The following RIMS1 variants were observed in gnomAD, a reference collection of about 807,000 sequenced individuals.
The protein encoded by RIMS1 is regulating synaptic membrane exocytosis protein 1.
RIMS1 carries 83 observed loss-of-function variants against 214.1 expected under a neutral mutation model. The ratio of observed to expected loss-of-function variants is 0.39; its 90% CI spans 0.32 to 0.47. The LOEUF (loss-of-function observed/expected upper bound fraction) is 0.47, where lower values mean the gene tolerates loss of function less well. Ranked by LOEUF, RIMS1 falls within the 20% of genes least tolerant of loss-of-function variation. RIMS1 has a pLI of 0.99. For missense variants in RIMS1, 2,050 were observed against 2,161.8 expected (o/e 0.95, Z 1.03); for synonymous variants, 793 against 786.8 (o/e 1.01, Z -0.13).
chr6:72,080,476 G>C (rs1483040255), intron 2 of RIMS1, among the ~76,000 whole-genome samples: 1 of 152,084 alleles, frequency 6.6e-6, no homozygotes, highest in African/African-American at 2.4e-5. Flanking sequence ...TTTCCTCCTT[G>C]CTGTCTTCTA....
intron 1 of RIMS1, among the ~76,000 whole-genome samples, chr6:71,891,427 T>A: frequency 6.6e-6 from 1 of 152,248 alleles, no homozygotes; most frequent in East Asian, 1.9e-4. Flanking sequence ...TTACTACTTT[T>A]TTCCTGGAAA....
At chr6:72,263,347 C>G in intron 19 of RIMS1, 2 of 984,910 alleles carry the variant, frequency 2.0e-6, no homozygotes, top group Non-Finnish European at 2.4e-6. Flanking sequence ...CCTACTGTGT[C>G]CTAAATATTG....
At position 72,096,958 on chromosome 6, in the gene RIMS1, T is replaced by A. The variant is rs375667218; in HGVS notation, c.255T>A (p.His85Gln). ...NQPHQPSPRL[H>Q]QQFESYKEQV... Reference sequence around the variant, plus strand: ...TTTCTCTTTTGCCTAGGAGATTGCATCAACAGTTTGAAAGCTATAAGGAAC... The same window carrying A: ...TTTCTCTTTTGCCTAGGAGATTGCAACAACAGTTTGAAAGCTATAAGGAAC... The change falls in exon 3 of 34, where the codon CAT (histidine) becomes CAA (glutamine). Residue 85 changes from histidine (H) to glutamine (Q), a missense_variant. His to Gln is a conservative substitution (Grantham distance 24, BLOSUM62 0). This residue lies in a region of RIMS1 where 882 missense variants were observed against 828.9 expected (regional missense o/e 1.06). Transcript: ENST00000521978. The A allele has an allele frequency of 1.9e-6, 3 of 1,613,256 alleles. No individual in the cohort carries two copies. The highest frequency in any genetic ancestry group is 2.5e-6 in the Non-Finnish European group (3 of 1,179,466).
chr6:72,390,924 A>G (rs1397520169), intron 30 of RIMS1, 188 bp downstream of exon 30: 1 of 504,920 alleles, frequency 2.0e-6, no homozygotes, highest in Non-Finnish European at 3.4e-6. Context: ...CTGGTCATTC[A>G]TACCTTTCAA....
At chr6:72,286,270 GT>G (rs2092283724) in intron 24 of RIMS1, among the ~76,000 whole-genome samples, 2 of 152,034 alleles carry the variant, frequency 1.3e-5, no homozygotes, top group Non-Finnish European at 2.9e-5. Context: ...CAGTGAACAA[GT>G]TTTTTTGGCA....
chr6:71,949,029 G>A (rs1015228776), intron 1 of RIMS1, among the ~76,000 whole-genome samples: 2 of 152,218 alleles, frequency 1.3e-5, no homozygotes, highest in South Asian at 4.1e-4. Context: ...ACCATCATAT[G>A]TAAAGGCTGC....
At chr6:71,951,214 G>A (rs1478847514) in intron 1 of RIMS1, among the ~76,000 whole-genome samples, 1 of 152,132 alleles carries the variant, frequency 6.6e-6, no homozygotes, top group Non-Finnish European at 1.5e-5. Context: ...GGATAACATG[G>A]TAAATGAAGA....
At chr6:72,371,113 C>G (rs1024852990) in intron 29 of RIMS1, among the ~76,000 whole-genome samples, 4 of 151,768 alleles carry the variant, frequency 2.6e-5, no homozygotes, top group Non-Finnish European at 5.9e-5. Flanking sequence ...TATTCCTTTT[C>G]TCTCATATCT....
At chr6:71,923,965 G>C (rs1050111066) in intron 1 of RIMS1, among the ~76,000 whole-genome samples, 1 of 152,140 alleles carries the variant, frequency 6.6e-6, no homozygotes, top group African/African-American at 2.4e-5. Flanking sequence ...TCTTGTTTTG[G>C]TAATTAGCTA....
intron 6 of RIMS1, among the ~76,000 whole-genome samples, chr6:72,214,702 A>G (rs541793522): frequency 2.0e-5 from 3 of 152,190 alleles, no homozygotes; most frequent in South Asian, 2.1e-4. Context: ...TTGAGCCTAC[A>G]TAGGCTTATA....
chr6:72,192,609 CTG>C (rs1355454524), intron 6 of RIMS1, among the ~76,000 whole-genome samples: 4 of 152,316 alleles, frequency 2.6e-5, no homozygotes, highest in East Asian at 3.9e-4. Flanking sequence ...TCTAGGAACA[CTG>C]TGATTAATTA....
chr6:72,228,352 G>A (rs2060915226), intron 6 of RIMS1, among the ~76,000 whole-genome samples: 1 of 151,714 alleles, frequency 6.6e-6, no homozygotes, highest in Non-Finnish European at 1.5e-5. Flanking sequence ...TCTATTCTCT[G>A]TTTCCATGAA....
Position 72,381,092 on chromosome 6 carries a change from C to A in RIMS1, c.4367-9506C>A, listed in dbSNP as rs1359073451. ...TTTATTTTCTTAACATTCGAGAGGT[C>A]AAAAGCTCATGATCGATGTGTCAGC... On this transcript the variant is annotated intron_variant, in intron 29 of 33. Transcript: ENST00000521978. Among the ~76,000 whole-genome samples the A allele has an allele frequency of 8.5e-5, 13 of 152,294 alleles. 1 individual carries two copies. Among genetic ancestry groups the A allele is most frequent in the African/African-American group, 3.1e-4 (13 of 41,564 alleles).
chr6:72,391,514 T>A (rs1253579792), intron 30 of RIMS1, among the ~76,000 whole-genome samples: 1 of 152,196 alleles, frequency 6.6e-6, no homozygotes, highest in Non-Finnish European at 1.5e-5. Context: ...TCACCACATA[T>A]AAATTTTCCA....
intron 4 of RIMS1, among the ~76,000 whole-genome samples, chr6:72,163,237 A>G (rs1439067987): frequency 7.2e-6 from 1 of 139,838 alleles, no homozygotes; most frequent in Admixed American, 7.3e-5. Context: ...CAGCTCCATC[A>G]GGTCCTTTAA....
chr6:71,960,303 G>A (rs1792546396), intron 1 of RIMS1, among the ~76,000 whole-genome samples: 1 of 151,968 alleles, frequency 6.6e-6, no homozygotes, highest in East Asian at 1.9e-4. Flanking sequence ...TGAGACTAGT[G>A]GTTTTCAATG....
intron 4 of RIMS1, among the ~76,000 whole-genome samples, chr6:72,150,152 G>A (rs560160578): frequency 6.6e-6 from 1 of 151,764 alleles, no homozygotes; most frequent in Non-Finnish European, 1.5e-5. Context: ...GGGCTTTTAT[G>A]GGCTCAGAAT....
intron 1 of RIMS1, among the ~76,000 whole-genome samples, chr6:71,890,859 A>C (rs1243215643): frequency 2.1e-5 from 3 of 140,988 alleles, no homozygotes; most frequent in African/African-American, 8.0e-5. Flanking sequence ...CAAATAATAT[A>C]ATTCTCACAT....
intron 4 of RIMS1, among the ~76,000 whole-genome samples, chr6:72,102,724 TA>T (rs1415288098): frequency 6.6e-6 from 1 of 151,978 alleles, no homozygotes; most frequent in Non-Finnish European, 1.5e-5. Context: ...CTTAACAGCT[TA>T]AAAAAACATT....
Sources: allele counts gnomAD v4.1 joint callset (sites outside exome capture counted in the v4.1 genomes callset), GRCh38; gene constraint gnomAD v4.1.1; regional missense constraint gnomAD v4.1.1; transcripts MANE v1.5; gene names NCBI Gene and HGNC (gene_info 2026-07-23, HGNC 2026-07-21).